NPFFR2: variants seen among roughly 807,000 people sequenced by gnomAD.
NPFFR2 encodes the protein neuropeptide FF receptor 2.
In NPFFR2, 15 loss-of-function variants were observed where a neutral mutation model predicts 13.1. The observed-to-expected ratio is 1.15, with a 90% CI of 0.77 to 1.76. The LOEUF is 1.76. Ranked by LOEUF, NPFFR2 falls within the 40% of genes most tolerant of loss-of-function variation. The pLI is 0.00. For synonymous variants in NPFFR2, 190 were observed against 175.7 expected (o/e 1.08, Z -0.65); for missense variants, 572 against 503.5 (o/e 1.14, Z -1.30).
At chr4:72,036,558 G>A (rs1719043700) in intron 1 of NPFFR2, among the ~76,000 whole-genome samples, 1 of 147,408 alleles carries the variant, frequency 6.8e-6, no homozygotes, top group Admixed American at 6.8e-5. Flanking sequence ...TATATATAAT[G>A]TATATATACA....
Position 72,068,859 on chromosome 4 carries a change from A to G in NPFFR2, c.-8+36659A>G, listed in dbSNP as rs1001044790. 5 of 286,124 alleles carry G rather than the reference A, an allele frequency of 1.7e-5. No individual in the cohort carries two copies. In the African/African-American group the frequency reaches 2.4e-4, roughly 14 times the overall value. The allele number at this position is 286,124 out of a possible 1,614,324, so 17.7% of individuals were successfully genotyped here. ...CTTAGTTTTTTTTTTTTTTTATCTTATCTTTTTTCCTGCATGGCTCTAGAC... is the reference window on the plus strand; with the variant it reads ...CTTAGTTTTTTTTTTTTTTTATCTTGTCTTTTTTCCTGCATGGCTCTAGAC... On this transcript the variant is annotated intron_variant, in intron 1 of 3. Coordinates refer to ENST00000308744, the MANE Select transcript of NPFFR2 (RefSeq NM_004885.3).
intron 1 of NPFFR2, among the ~76,000 whole-genome samples, chr4:72,099,700 A>T (rs867156256): frequency 1.1e-4 from 16 of 152,024 alleles, no homozygotes; most frequent in African/African-American, 3.9e-4. Context: ...ATCAGTCTCC[A>T]CCTCCAACAC....
intron 1 of NPFFR2, among the ~76,000 whole-genome samples, chr4:72,126,808 A>G (rs970612735): frequency 2.6e-5 from 4 of 152,202 alleles, no homozygotes; most frequent in South Asian, 2.1e-4. Flanking sequence ...GGCATGTTCT[A>G]TGTGAGTCCA....
chr4:72,078,639 C>A (rs1469579972), intron 1 of NPFFR2, among the ~76,000 whole-genome samples: 1 of 152,092 alleles, frequency 6.6e-6, no homozygotes, highest in Non-Finnish European at 1.5e-5. Context: ...GAAGGAATTA[C>A]TCTACCTGCT....
At chr4:72,086,449 T>C (rs1337028594) in intron 1 of NPFFR2, among the ~76,000 whole-genome samples, 1 of 152,116 alleles carries the variant, frequency 6.6e-6, no homozygotes, top group Non-Finnish European at 1.5e-5. Context: ...TATAGTGCTC[T>C]ATTTAGAACC....
chr4:72,122,078 CA>C (rs927448223), intron 1 of NPFFR2, among the ~76,000 whole-genome samples: 40 of 142,330 alleles, frequency 2.8e-4, no homozygotes, highest in African/African-American at 3.1e-4. Context: ...AAATGAAAAG[CA>C]AAAAAAAAAG....
chr4:72,087,382 T>A (rs538138218), intron 1 of NPFFR2, among the ~76,000 whole-genome samples: 1 of 152,104 alleles, frequency 6.6e-6, no homozygotes, highest in Admixed American at 6.6e-5. Context: ...TCCTACTGTT[T>A]CCTTTGGAAA....
intron 1 of NPFFR2, among the ~76,000 whole-genome samples, chr4:72,098,584 G>T (rs1721138086): frequency 6.6e-6 from 1 of 152,158 alleles, no homozygotes; most frequent in Admixed American, 6.6e-5. Flanking sequence ...AAAAGATTGG[G>T]CACCCCTGCT....
At chr4:72,080,212 C>T (rs550464264) in intron 1 of NPFFR2, among the ~76,000 whole-genome samples, 9 of 151,328 alleles carry the variant, frequency 5.9e-5, no homozygotes, top group Admixed American at 1.3e-4. Context: ...TCACCCAGGC[C>T]GGAGTGCAGT....
intron 1 of NPFFR2, among the ~76,000 whole-genome samples, chr4:72,087,748 G>A (rs1335211370): frequency 1.3e-5 from 2 of 152,074 alleles, no homozygotes; most frequent in Admixed American, 1.3e-4. Flanking sequence ...GAAGAAGGGA[G>A]AAAATGGAAG....
At position 72,140,728 on chromosome 4, in the gene NPFFR2, T is replaced by G. The variant is rs181995385; in HGVS notation, c.428+2589T>G. On this transcript the variant is annotated intron_variant, in intron 3 of 3. Transcript: ENST00000308744. Reference sequence around the variant, plus strand: ...TATTGGTCTAAAATTCTCTTTTTTTTGGGGGGTGTCTCTACCAGGCTTTGG... The same window carrying G: ...TATTGGTCTAAAATTCTCTTTTTTTGGGGGGGTGTCTCTACCAGGCTTTGG... Among the ~76,000 whole-genome samples, 421 of 152,130 alleles carry G rather than the reference T, an allele frequency of 2.8e-3. 2 individuals carry two copies. The highest frequency in any genetic ancestry group is 3.4e-3 in the Middle Eastern group (1 of 294).
chr4:72,045,493 A>T (rs920564210), intron 1 of NPFFR2, among the ~76,000 whole-genome samples: 1 of 152,158 alleles, frequency 6.6e-6, no homozygotes, highest in Non-Finnish European at 1.5e-5. Flanking sequence ...TTTGCTCAGG[A>T]TATCTGAGCA....
chr4:72,077,796 A>G (rs1016712514), intron 1 of NPFFR2, among the ~76,000 whole-genome samples: 5 of 152,074 alleles, frequency 3.3e-5, no homozygotes, highest in African/African-American at 1.2e-4. Context: ...TTTTTGTATT[A>G]ATTCCCTCAC....
chr4:72,056,450 A>G (rs540627891), intron 1 of NPFFR2, among the ~76,000 whole-genome samples: 5 of 152,016 alleles, frequency 3.3e-5, no homozygotes, highest in Admixed American at 6.6e-5. Flanking sequence ...GCACCTGGTC[A>G]CTCAAGAACT....
intron 1 of NPFFR2, among the ~76,000 whole-genome samples, chr4:72,032,845 A>C (rs1223235474): frequency 6.6e-6 from 1 of 152,144 alleles, no homozygotes; most frequent in East Asian, 1.9e-4. Context: ...GATCTTCTTC[A>C]AGCTGTCGTT....
intron 3 of NPFFR2, among the ~76,000 whole-genome samples, chr4:72,141,313 G>A (rs1438818493): frequency 6.6e-6 from 1 of 152,004 alleles, no homozygotes; most frequent in African/African-American, 2.4e-5. Flanking sequence ...TTTTGAATTT[G>A]TTTGCTCTTG....
At position 72,094,048 on chromosome 4, in the gene NPFFR2, CTTTCCCTAGGGATGGGGCTTTCTGA is replaced by C. The variant is rs549010672; in HGVS notation, c.-7-34536_-7-34512del. ...ACTTCCTTGATTTGGTGCTCTCCCC[CTTTCCCTAGGGATGGGGCTTTCTGA>C]GAGCCAAACTGCAGTGATTGTTATT... is the stretch of plus-strand genomic sequence containing the variant. On this transcript the variant is annotated intron_variant, in intron 1 of 3. Transcript: ENST00000308744. 3.1e-3 allele frequency among the ~76,000 whole-genome samples: 443 copies of C among 140,932 alleles called. 2 individuals are homozygous for C. Among genetic ancestry groups the C allele is most frequent in the African/African-American group, 0.01 (426 of 41,162 alleles). The allele number at this position is 140,932 out of a possible 152,430, so 92.5% of individuals were successfully genotyped here.
chr4:72,039,564 C>T (rs540723174), intron 1 of NPFFR2, among the ~76,000 whole-genome samples: 2 of 152,276 alleles, frequency 1.3e-5, no homozygotes, highest in South Asian at 2.1e-4. Flanking sequence ...GTGGAAAGCC[C>T]TCCATGTTGA....
At chr4:72,099,779 A>AT (rs143211832) in intron 1 of NPFFR2, among the ~76,000 whole-genome samples, 3,670 of 152,268 alleles carry the variant, frequency 0.024, 148 homozygotes, top group African/African-American at 0.084. Flanking sequence ...TCTTAAAAAA[A>AT]ACTTGGCATT....
Sources: gnomAD v4.1 joint callset for allele counts (sites outside exome capture counted in the v4.1 genomes callset) on GRCh38, gnomAD v4.1.1 for gene constraint, MANE v1.5 for transcripts, NCBI Gene and HGNC (gene_info 2026-07-23, HGNC 2026-07-21) for gene names.